The following PPP1R16B variants were observed in gnomAD, a reference collection of about 807,000 sequenced individuals.
PPP1R16B encodes the protein protein phosphatase 1 regulatory subunit 16B.
In PPP1R16B, 14 loss-of-function variants were observed where a neutral mutation model predicts 61.7. That is an observed-to-expected ratio of 0.23 (90% CI 0.15 to 0.35). The LOEUF is 0.35. PPP1R16B is among the 10% of genes least tolerant of loss of function. PPP1R16B has a pLI of 1.00. For synonymous variants in PPP1R16B, 266 were observed against 305.3 expected (o/e 0.87, Z 1.34); for missense variants, 547 against 752.5 (o/e 0.73, Z 3.19).
chr20:38,810,247 G>A (rs1423346295), intron 1 of PPP1R16B, among the ~76,000 whole-genome samples: 2 of 152,216 alleles, frequency 1.3e-5, no homozygotes, highest in Non-Finnish European at 2.9e-5. Flanking sequence ...AGCAGTGGGA[G>A]GAGTTGCTGA....
chr20:38,850,722 T>G (rs2084962561), intron 2 of PPP1R16B, among the ~76,000 whole-genome samples: 1 of 152,164 alleles, frequency 6.6e-6, no homozygotes, highest in South Asian at 2.1e-4. Context: ...ATCGCAGCAC[T>G]TTGGGAGGCC....
At chr20:38,914,844 T>C (rs769511797) in intron 10 of PPP1R16B, among the ~76,000 whole-genome samples, 57 of 152,176 alleles carry the variant, frequency 3.7e-4, no homozygotes, top group Non-Finnish European at 6.0e-4. Context: ...TTTTTAAATA[T>C]TTGGGTAGTG....
At chr20:38,855,982 A>AGAAGAAGGAGGAGGAGGAGGAGGAGGAGG (rs1449393855) in intron 2 of PPP1R16B, among the ~76,000 whole-genome samples, 8 of 41,566 alleles carry the variant, frequency 1.9e-4, no homozygotes, top group East Asian at 1.7e-3. Context: ...AGAGAGAGAG[A>AGAAGAAGGAGGAGGAGGAGGAGGAGGAGG]AGGAGGAGGA....
rs1437947886 is a variant in PPP1R16B, at chr20:38,842,847, T to A, written c.250+6672T>A. 2.7e-5 allele frequency among the ~76,000 whole-genome samples: 4 copies of A among 150,112 alleles called. No individual in the cohort carries two copies. The East Asian group carries it at 7.8e-4, about 29-fold the overall frequency. ...CTAATTATTAAAAAAAAAAAAACCC[T>A]GTTATTGTTACAGAAACTTTTAGAA... On this transcript the variant is annotated intron_variant, in intron 2 of 10. Transcript: ENST00000299824.
chr20:38,855,738 G>C (rs982078726), intron 2 of PPP1R16B, among the ~76,000 whole-genome samples: 8 of 151,636 alleles, frequency 5.3e-5, no homozygotes, highest in African/African-American at 1.5e-4. Flanking sequence ...CACCCACCCA[G>C]TGGGGTGCCC....
At chr20:38,835,124 C>T (rs186877812) in intron 1 of PPP1R16B, among the ~76,000 whole-genome samples, 1 of 152,302 alleles carries the variant, frequency 6.6e-6, no homozygotes, top group East Asian at 1.9e-4. Flanking sequence ...TATGGGGTTC[C>T]CAGACCACAC....
chr20:38,833,253 C>T (rs1164320362), intron 1 of PPP1R16B, among the ~76,000 whole-genome samples: 2 of 152,122 alleles, frequency 1.3e-5, no homozygotes, highest in African/African-American at 4.8e-5. Context: ...TTTGAAATGA[C>T]AAAATTCTAG....
At chr20:38,896,103 C>CT in intron 4 of PPP1R16B, among the ~76,000 whole-genome samples, 4 of 115,600 alleles carry the variant, frequency 3.5e-5, no homozygotes, top group African/African-American at 1.1e-4. Flanking sequence ...TTTCTTCTGT[C>CT]TCCCCTCCCT....
intron 2 of PPP1R16B, among the ~76,000 whole-genome samples, chr20:38,858,242 G>A (rs907793004): frequency 6.6e-6 from 1 of 152,130 alleles, no homozygotes; most frequent in Non-Finnish European, 1.5e-5. Flanking sequence ...ACACAGTGTA[G>A]TCTATAGCAG....
intron 1 of PPP1R16B, among the ~76,000 whole-genome samples, chr20:38,829,937 G>A (rs555719422): frequency 2.0e-5 from 3 of 152,392 alleles, no homozygotes; most frequent in South Asian, 2.1e-4. Context: ...CTCGCGGGGA[G>A]GGCCAAGTCA....
At chr20:38,873,024 C>G (rs1006032314) in intron 2 of PPP1R16B, 13 of 152,310 alleles carry the variant, frequency 8.5e-5, no homozygotes, top group African/African-American at 3.1e-4. Context: ...CTGCTGAGGA[C>G]AGGGGTTTCC....
chr20:38,909,612 A>G (rs2085473092), intron 10 of PPP1R16B, among the ~76,000 whole-genome samples: 1 of 152,240 alleles, frequency 6.6e-6, no homozygotes, highest in Admixed American at 6.5e-5. Flanking sequence ...TACACCACGA[A>G]CAGATGAAAA....
intron 1 of PPP1R16B, among the ~76,000 whole-genome samples, chr20:38,821,505 A>G (rs148821987): frequency 6.6e-5 from 10 of 152,326 alleles, no homozygotes; most frequent in African/African-American, 2.2e-4. Context: ...CTATATACAC[A>G]TTGTCAGAGA....
At chr20:38,816,803 C>T (rs1294641597) in intron 1 of PPP1R16B, among the ~76,000 whole-genome samples, 1 of 152,176 alleles carries the variant, frequency 6.6e-6, no homozygotes, top group African/African-American at 2.4e-5. Context: ...ACTGTGAAGA[C>T]CAGCACAATC....
intron 4 of PPP1R16B, among the ~76,000 whole-genome samples, 183 bp from the exon 5 acceptor site, chr20:38,900,398 G>A (rs2085381979): frequency 6.6e-6 from 1 of 152,210 alleles, no homozygotes; most frequent in South Asian, 2.1e-4. Context: ...GGATCCTGAA[G>A]CTGTCGTGCT....
At chr20:38,844,060 T>C (rs2084923612) in intron 2 of PPP1R16B, among the ~76,000 whole-genome samples, 1 of 152,246 alleles carries the variant, frequency 6.6e-6, no homozygotes, top group Non-Finnish European at 1.5e-5. Context: ...CATATCAATT[T>C]ACATCAAAAT....
chr20:38,823,765 A>G (rs1393445530), intron 1 of PPP1R16B, among the ~76,000 whole-genome samples: 1 of 152,198 alleles, frequency 6.6e-6, no homozygotes, highest in Non-Finnish European at 1.5e-5. Context: ...GATGAGATAT[A>G]TTTCCTGCCC....
rs2084662519 is a variant in PPP1R16B at position 38,806,491 on chromosome 20, CCT to C, written c.-102+702_-102+703del. Among the ~76,000 whole-genome samples, 1 of 152,084 alleles carries C rather than the reference CCT, an allele frequency of 6.6e-6. No homozygotes were observed. Among genetic ancestry groups the C allele is most frequent in the Non-Finnish European group, 1.5e-5 (1 of 67,978 alleles). On this transcript the variant is annotated intron_variant, in intron 1 of 10. Coordinates refer to ENST00000299824, the MANE Select transcript of PPP1R16B (RefSeq NM_015568.4). This position sits in a 1 kb window ranked among gnomAD's most constrained non-coding sequence, Gnocchi z 4.5. ...GGGTCCCCCGCGCCAGGAGCGCTCCCCTCTGGGCGACTCCGGCTCATCGATTC... is the reference window on the plus strand; with the variant it reads ...GGGTCCCCCGCGCCAGGAGCGCTCCCCTGGGCGACTCCGGCTCATCGATTC...
chr20:38,858,833 TCA>T (rs2085026775), intron 2 of PPP1R16B, among the ~76,000 whole-genome samples: 1 of 152,168 alleles, frequency 6.6e-6, no homozygotes, highest in Admixed American at 6.6e-5. Flanking sequence ...TTAAATTATC[TCA>T]CATGGGTCAG....
Sources: allele counts gnomAD v4.1 joint callset (sites outside exome capture counted in the v4.1 genomes callset), GRCh38; gene constraint gnomAD v4.1.1; non-coding constraint Gnocchi (gnomAD v3.1); transcripts MANE v1.5; gene names NCBI Gene and HGNC (gene_info 2026-07-23, HGNC 2026-07-21).